PPM1G: variants seen among roughly 807,000 people sequenced by gnomAD.
PPM1G encodes the protein protein phosphatase 1G.
Under a neutral mutation model 59.4 loss-of-function variants are expected in PPM1G, and 12 were observed. The observed-to-expected ratio is 0.20, with a 90% confidence interval of 0.13 to 0.33. The LOEUF (loss-of-function observed/expected upper bound fraction) is 0.33, where lower values mean the gene tolerates loss of function less well. PPM1G is among the 10% of genes least tolerant of loss of function. The pLI, the probability that PPM1G is intolerant of heterozygous loss-of-function variation, is 1.00. For synonymous variants in PPM1G, 245 were observed against 251.9 expected (o/e 0.97, Z 0.26); for missense variants, 392 against 681.3 (o/e 0.58, Z 4.73).
intron 1 of PPM1G, among the ~76,000 whole-genome samples, chr2:27,388,129 G>C (rs1180676161): frequency 1.3e-5 from 2 of 151,970 alleles, no homozygotes; most frequent in Non-Finnish European, 2.9e-5. Context: ...AAACAGTTGA[G>C]GCCAGGCGTG....
chr2:27,407,667 T>C (rs1309431700), intron 1 of PPM1G, among the ~76,000 whole-genome samples: 1 of 152,190 alleles, frequency 6.6e-6, no homozygotes, highest in Non-Finnish European at 1.5e-5. Context: ...TGATTAACAA[T>C]GTCTAGTGTC....
intron 1 of PPM1G, among the ~76,000 whole-genome samples, chr2:27,407,366 G>A (rs1429896028): frequency 6.6e-6 from 1 of 152,110 alleles, no homozygotes; most frequent in Non-Finnish European, 1.5e-5. Flanking sequence ...CAGGCTCAAA[G>A]TGATTTTCTA....
intron 1 of PPM1G, among the ~76,000 whole-genome samples, chr2:27,398,456 AAAAC>A (rs201508580): frequency 0.11 from 16,874 of 152,174 alleles, 1,291 homozygotes; most frequent in Non-Finnish European, 0.17. Context: ...CTTCTTAACA[AAAAC>A]AAACAAACAA....
intron 1 of PPM1G, among the ~76,000 whole-genome samples, chr2:27,398,189 A>G (rs1017185716): frequency 2.0e-5 from 3 of 152,246 alleles, no homozygotes; most frequent in Admixed American, 6.5e-5. Flanking sequence ...TTGAGAGTTC[A>G]GAAATAAAAC....
At chr2:27,391,663 G>A (rs1329841881) in intron 1 of PPM1G, among the ~76,000 whole-genome samples, 1 of 151,454 alleles carries the variant, frequency 6.6e-6, no homozygotes, top group African/African-American at 2.4e-5. Context: ...CACTTTTCTT[G>A]AAAGATCTCT....
chr2:27,381,899 T>G (rs1357117667), intron 9 of PPM1G, 94 bp from the exon 10 acceptor site: 2 of 1,341,828 alleles, frequency 1.5e-6, no homozygotes, highest in Non-Finnish European at 2.1e-6. Context: ...TGAGTCAGGG[T>G]GGTAGGAGAG....
At position 27,385,966 on chromosome 2, in the gene PPM1G, A is replaced by AG. The variant is rs1293535652; in HGVS notation, c.277-88dup. 5.4e-6 allele frequency: 8 copies of AG among 1,468,178 alleles called. No homozygotes were observed. Among genetic ancestry groups the AG allele is most frequent in the Non-Finnish European group, 7.3e-6 (8 of 1,092,672 alleles). The allele number at this position is 1,468,178 out of a possible 1,614,324, so 90.9% of individuals were successfully genotyped here. A position where few individuals can be genotyped will look rare whatever the true frequency, so the allele number is the denominator to read the frequency against. On this transcript the variant is annotated intron_variant, in intron 3 of 9. Coordinates refer to ENST00000344034, the MANE Select transcript of PPM1G (RefSeq NM_177983.3). This position sits in a 1 kb window ranked among gnomAD's most constrained non-coding sequence, Gnocchi z 4.1. ...GCACAAGGATGGAATACAAATTAAG[A>AG]GTGTGAGCCACCACACTAAGAGACA... is the stretch of plus-strand genomic sequence containing the variant.
In PPM1G at chr2:27,386,339, C is replaced by T. The variant is rs965190151; in HGVS notation, c.191-60G>A. The T allele has an allele frequency of 7.2e-6, 9 of 1,243,520 alleles. No individual in the cohort carries two copies. The Admixed American group carries it at 1.0e-4, about 14-fold the overall frequency. 77.0% of individuals were successfully genotyped at this position (1,243,520 alleles called of 1,614,324 possible). ...TGCTCCCCACACATAGAAAGTGATA[C>T]AATATTTATATGCCATACTGGAGTG... On this transcript the variant is annotated intron_variant, in intron 2 of 9. Coordinates refer to ENST00000344034, the MANE Select transcript of PPM1G (RefSeq NM_177983.3).
At chr2:27,408,347 A>C (rs556629604) in intron 1 of PPM1G, among the ~76,000 whole-genome samples, 1 of 152,260 alleles carries the variant, frequency 6.6e-6, no homozygotes, top group South Asian at 2.1e-4. Flanking sequence ...CCTAGACTTC[A>C]GAATGCTCTT....
At chr2:27,409,275 G>A (rs1663457677) in intron 1 of PPM1G, 28 bp downstream of exon 1, 5 of 1,546,284 alleles carry the variant, frequency 3.2e-6, no homozygotes, top group Non-Finnish European at 4.4e-6. Flanking sequence ...CCCCGCAGCG[G>A]CCAGCCTATG....
chr2:27,388,972 T>C (rs932147061), intron 1 of PPM1G, among the ~76,000 whole-genome samples: 4 of 148,848 alleles, frequency 2.7e-5, no homozygotes, highest in Non-Finnish European at 6.0e-5. Flanking sequence ...TAATTTCTAC[T>C]TTTCGACATT....
intron 1 of PPM1G, among the ~76,000 whole-genome samples, chr2:27,397,518 T>G (rs1427113259): frequency 6.6e-6 from 1 of 152,064 alleles, no homozygotes; most frequent in Non-Finnish European, 1.5e-5. Context: ...ACCAAAAAAA[T>G]GCAAGGTTGG....
At chr2:27,391,608 T>C (rs1447168465) in intron 1 of PPM1G, among the ~76,000 whole-genome samples, 1 of 152,226 alleles carries the variant, frequency 6.6e-6, no homozygotes, top group Non-Finnish European at 1.5e-5. Context: ...TTTTCTCCCA[T>C]TCTATAGGTT....
chr2:27,386,399 C>A lies in PPM1G; in HGVS notation c.191-120G>T, dbSNP rs1041938043. 4.1e-4 allele frequency: 267 copies of A among 658,034 alleles called. 2 individuals carry two copies. The Admixed American group carries it at 6.4e-3, about 16-fold the overall frequency. The allele number at this position is 658,034 out of a possible 1,614,324, so 40.8% of individuals were successfully genotyped here. A position where few individuals can be genotyped will look rare whatever the true frequency, so the allele number is the denominator to read the frequency against. ...GGTTGAGGGGATAAATATCTTAGCA[C>A]CCCTGAACCCTATTTGAAGGACACT... On this transcript the variant is annotated intron_variant, in intron 2 of 9. Coordinates refer to ENST00000344034, the MANE Select transcript of PPM1G (RefSeq NM_177983.3).
intron 1 of PPM1G, among the ~76,000 whole-genome samples, chr2:27,392,286 G>GTTTTTTTTTTTTTTTTTT (rs70953857): frequency 7.1e-5 from 5 of 70,440 alleles, no homozygotes; most frequent in African/African-American, 2.5e-4. Context: ...GGTTTGTTTT[G>GTTTTTTTTTTTTTTTTTT]TTTTTTTTTT....
chr2:27,406,971 T>C (rs1663386987), intron 1 of PPM1G, among the ~76,000 whole-genome samples: 2 of 150,512 alleles, frequency 1.3e-5, no homozygotes, highest in Admixed American at 1.3e-4. Flanking sequence ...TTATTCTTTT[T>C]TTTTTTTTTT....
Position 27,381,557 on chromosome 2 carries a change from G to A in PPM1G, c.*42C>T, listed in dbSNP as rs924211988. The A allele has an allele frequency of 1.9e-6, 3 of 1,608,630 alleles. No homozygotes were observed. The highest frequency in any genetic ancestry group is 1.3e-5 in the African/African-American group (1 of 74,744). On this transcript the variant is annotated 3_prime_UTR_variant, in exon 10 of 10. Coordinates refer to ENST00000344034, the MANE Select transcript of PPM1G (RefSeq NM_177983.3). Reference sequence around the variant, plus strand: ...ACAAAACTCAGTCTCAGGTCCGGAGGGCTCAGAAAACAGTCTAGGTGGGCA... The same window carrying A: ...ACAAAACTCAGTCTCAGGTCCGGAGAGCTCAGAAAACAGTCTAGGTGGGCA...
rs1683958853 is a variant in PPM1G at position 27,393,185 on chromosome 2, A to G, written c.121-6027T>C. The G allele has an allele frequency of 1.5e-5, 23 of 1,519,388 alleles. No homozygotes were observed. The South Asian group carries it at 2.1e-4, about 14-fold the overall frequency. 94.1% of individuals were successfully genotyped at this position (1,519,388 alleles called of 1,614,324 possible). A position where few individuals can be genotyped will look rare whatever the true frequency, so the allele number is the denominator to read the frequency against. ...ATTTCTCAGCATGTTCCCTCTCCTC[A>G]TGAGATTGGTGAAGAAAGTATTTGG... On this transcript the variant is annotated intron_variant, in intron 1 of 9. Coordinates refer to ENST00000344034, the MANE Select transcript of PPM1G (RefSeq NM_177983.3).
Position 27,385,247 on chromosome 2 carries a change from TCC to T in PPM1G, c.410-161_410-160del. 1.3e-6 allele frequency: 1 copy of T among 778,442 alleles called. No homozygotes were observed. Among genetic ancestry groups the T allele is most frequent in the Admixed American group, 3.4e-5 (1 of 29,592 alleles). The allele number at this position is 778,442 out of a possible 1,614,324, so 48.2% of individuals were successfully genotyped here. On this transcript the variant is annotated intron_variant, in intron 4 of 9. Transcript: ENST00000344034. This position sits in a 1 kb window ranked among gnomAD's most constrained non-coding sequence, Gnocchi z 4.1. ...TCTCAGAAGAACATGCCCTAGCTCC[TCC>T]TCCTCCACAGACTTCTTTTGGTTTT... is the stretch of plus-strand genomic sequence containing the variant.
Sources: allele counts gnomAD v4.1 joint callset (sites outside exome capture counted in the v4.1 genomes callset), GRCh38; gene constraint gnomAD v4.1.1; non-coding constraint Gnocchi (gnomAD v3.1); transcripts MANE v1.5; gene names NCBI Gene and HGNC (gene_info 2026-07-23, HGNC 2026-07-21).